Variants in AHCYL2 observed in about 807,000 individuals in gnomAD.
The protein encoded by AHCYL2 is S-adenosylhomocysteine hydrolase-like protein 2.
In AHCYL2, 28 loss-of-function variants were observed where a neutral mutation model predicts 81.4. The ratio of observed to expected loss-of-function variants is 0.34; its 90% CI spans 0.25 to 0.47. The LOEUF is 0.47. Ranked by LOEUF, AHCYL2 falls within the 20% of genes least tolerant of loss-of-function variation. The pLI is 1.00. For synonymous variants in AHCYL2, 272 were observed against 290.2 expected (o/e 0.94, Z 0.64); for missense variants, 551 against 785.1 (o/e 0.70, Z 3.56).
At chr7:129,367,694 T>C (rs961040035) in intron 1 of AHCYL2, among the ~76,000 whole-genome samples, 2 of 152,204 alleles carry the variant, frequency 1.3e-5, no homozygotes, top group Non-Finnish European at 2.9e-5. Flanking sequence ...TGAAGTCACT[T>C]TGCAATCAGC....
In AHCYL2 at chr7:129,225,086, C is replaced by T; in HGVS notation, c.10C>T (p.Gln4Ter). 6.3e-7 allele frequency: 1 copy of T among 1,594,310 alleles called. No individual in the cohort carries two copies. Among genetic ancestry groups the T allele is most frequent in the South Asian group, 1.1e-5 (1 of 88,120 alleles). The change falls in exon 1 of 17, where the codon CAG (glutamine) becomes TAG (stop). Residue 4 changes from glutamine to a stop codon, truncating the protein, a stop_gained. Coordinates refer to ENST00000325006, the MANE Select transcript of AHCYL2 (RefSeq NM_015328.4). LOFTEE classifies it high-confidence loss of function. MSV[Q>*]VVSAAAAAKV... is the part of the protein sequence containing the mutation. ...TGCAGCGGAGGCGGTGATGTCGGTG[C>T]AGGTTGTGTCAGCCGCGGCTGCCGC...
At chr7:129,424,336 G>T (rs909625920) in intron 13 of AHCYL2, among the ~76,000 whole-genome samples, 2 of 152,068 alleles carry the variant, frequency 1.3e-5, no homozygotes, top group Non-Finnish European at 2.9e-5. Context: ...GGGGGCAGAG[G>T]TTACAGTGAG....
At chr7:129,296,107 T>G (rs1405809116) in intron 1 of AHCYL2, among the ~76,000 whole-genome samples, 1 of 152,200 alleles carries the variant, frequency 6.6e-6, no homozygotes, top group Non-Finnish European at 1.5e-5. Flanking sequence ...ATTGGAGACT[T>G]TAGAAGTGTG....
In AHCYL2 at chr7:129,368,831, A is replaced by G. The variant is rs1794230519; in HGVS notation, c.364-10807A>G. The stretch of plus-strand genomic sequence containing the variant: ...TTTCCTCCGGCTGCTGGTGTGATGT[A>G]TGGGTTGTGTTTCCTGTGACTGTTT... On this transcript the variant is annotated intron_variant, in intron 1 of 16. Transcript: ENST00000325006. The surrounding 1 kb of genome is among the most constrained non-coding windows in gnomAD (Gnocchi z 4.4). 6.6e-6 allele frequency among the ~76,000 whole-genome samples: 1 copy of G among 151,988 alleles called. No individual in the cohort carries two copies. Among genetic ancestry groups the G allele is most frequent in the Non-Finnish European group, 1.5e-5 (1 of 67,998 alleles).
chr7:129,397,014 T>A (rs1157192307), intron 4 of AHCYL2, among the ~76,000 whole-genome samples: 1 of 152,220 alleles, frequency 6.6e-6, no homozygotes, highest in Non-Finnish European at 1.5e-5. Context: ...GGTAAAAACA[T>A]AGAGTCAGCT....
At chr7:129,377,125 A>G (rs998573717) in intron 1 of AHCYL2, among the ~76,000 whole-genome samples, 5 of 152,224 alleles carry the variant, frequency 3.3e-5, no homozygotes, top group Non-Finnish European at 7.3e-5. Flanking sequence ...AAGGGTGAAT[A>G]AGAATCACAG....
At chr7:129,380,855 C>T (rs1265342834) in intron 2 of AHCYL2, among the ~76,000 whole-genome samples, 2 of 152,148 alleles carry the variant, frequency 1.3e-5, no homozygotes, top group Admixed American at 6.5e-5. Context: ...ATCCTCCCAC[C>T]TCAGTCTCCT....
intron 1 of AHCYL2, among the ~76,000 whole-genome samples, chr7:129,354,106 T>G (rs1584815229): frequency 6.6e-6 from 1 of 151,814 alleles, no homozygotes; most frequent in South Asian, 2.1e-4. Context: ...GAATGGAAGG[T>G]GAAGAGTTGT....
At chr7:129,296,066 A>T (rs1797040923) in intron 1 of AHCYL2, among the ~76,000 whole-genome samples, 1 of 152,236 alleles carries the variant, frequency 6.6e-6, no homozygotes, top group South Asian at 2.1e-4. Context: ...CGCTGCTTCA[A>T]TCCCCATTCC....
chr7:129,289,428 T>C (rs926527488), intron 1 of AHCYL2, among the ~76,000 whole-genome samples: 1 of 152,228 alleles, frequency 6.6e-6, no homozygotes, highest in Admixed American at 6.5e-5. Flanking sequence ...CTATTGATGA[T>C]TTTTACTTAG....
chr7:129,370,943 G>A (rs1017657800), intron 1 of AHCYL2, among the ~76,000 whole-genome samples: 6 of 152,124 alleles, frequency 3.9e-5, no homozygotes, highest in Non-Finnish European at 8.8e-5. Context: ...CAGATACCAC[G>A]TAAGTCATTG....
chr7:129,261,635 TA>T (rs1197687111), intron 1 of AHCYL2, among the ~76,000 whole-genome samples: 1 of 152,238 alleles, frequency 6.6e-6, no homozygotes, highest in African/African-American at 2.4e-5. Context: ...TACCCCACCG[TA>T]GGCTAACATA....
At chr7:129,347,292 A>G (rs1186203721) in intron 1 of AHCYL2, among the ~76,000 whole-genome samples, 1 of 152,184 alleles carries the variant, frequency 6.6e-6, no homozygotes, top group East Asian at 1.9e-4. Flanking sequence ...TTTGGGTGAT[A>G]AAGATGCGTC....
At chr7:129,235,051 C>T (rs555029160) in intron 1 of AHCYL2, among the ~76,000 whole-genome samples, 1 of 152,114 alleles carries the variant, frequency 6.6e-6, no homozygotes, top group East Asian at 1.9e-4. Flanking sequence ...TTCTGTTTAA[C>T]CAAAACAAAA....
At position 129,428,503 on chromosome 7, in the gene AHCYL2, T is replaced by G. The variant is rs1478082448; in HGVS notation, c.*1458T>G. On this transcript the variant is annotated 3_prime_UTR_variant, in exon 17 of 17. Transcript: ENST00000325006. ...CTAGGAAACTTGAATTAAATAAGCC[T>G]CTTCCCCTTACCGATCCTTTTTAAC... 6.6e-6 allele frequency: 1 copy of G among 152,220 alleles called. No individual in the cohort carries two copies. Among genetic ancestry groups the G allele is most frequent in the African/African-American group, 2.4e-5 (1 of 41,444 alleles). The allele number at this position is 152,220 out of a possible 1,614,324, so 9.4% of individuals were successfully genotyped here.
At position 129,225,286 on chromosome 7, in the gene AHCYL2, C is replaced by A. The variant is rs778519128; in HGVS notation, c.210C>A (p.Ala70=). Reference sequence around the variant, plus strand: ...TCCCCGGCCCGGGCTCGGGGCCCGCCGCCGCTCTCAGCCCCGCCGCCGGGA... The same window carrying A: ...TCCCCGGCCCGGGCTCGGGGCCCGCAGCCGCTCTCAGCCCCGCCGCCGGGA... ...PPVPGPGSGP[A]AALSPAAGKV... Residue 70 remains alanine (A), a synonymous_variant, in exon 1 of 17, where the codon GCC becomes GCA. Coordinates refer to ENST00000325006, the MANE Select transcript of AHCYL2 (RefSeq NM_015328.4). 1 of 1,463,796 alleles carries A rather than the reference C, an allele frequency of 6.8e-7. No homozygotes were observed. The allele number at this position is 1,463,796 out of a possible 1,614,324, so 90.7% of individuals were successfully genotyped here.
intron 15 of AHCYL2, among the ~76,000 whole-genome samples, chr7:129,425,830 G>T (rs116808434): frequency 0.02 from 3,086 of 152,250 alleles, 112 homozygotes; most frequent in African/African-American, 0.071. Context: ...ACTTTAGAAG[G>T]ATATAAAAGC....
chr7:129,388,556 A>T (rs1180016475), intron 2 of AHCYL2, among the ~76,000 whole-genome samples: 1 of 152,176 alleles, frequency 6.6e-6, no homozygotes, highest in African/African-American at 2.4e-5. Flanking sequence ...AGTCCGTCTT[A>T]AAAAAGAAAG....
At chr7:129,245,954 T>C (rs1416614372) in intron 1 of AHCYL2, among the ~76,000 whole-genome samples, 4 of 152,258 alleles carry the variant, frequency 2.6e-5, no homozygotes, top group Admixed American at 6.5e-5. Flanking sequence ...CTGCACTGTT[T>C]TACATTTCTA....
Sources: gnomAD v4.1 joint callset for allele counts (sites outside exome capture counted in the v4.1 genomes callset) on GRCh38, gnomAD v4.1.1 for gene constraint, Gnocchi (gnomAD v3.1) non-coding constraint, MANE v1.5 for transcripts, NCBI Gene and HGNC (gene_info 2026-07-23, HGNC 2026-07-21) for gene names.